Variants in GPC5 observed in about 807,000 individuals in gnomAD.
GPC5 encodes the protein glypican-5.
Under a neutral mutation model 53.9 loss-of-function variants are expected in GPC5, and 47 were observed. That is an observed-to-expected ratio of 0.87 (90% confidence interval 0.69 to 1.11). The LOEUF (loss-of-function observed/expected upper bound fraction) is 1.11, where lower values mean the gene tolerates loss of function less well. Ranked by LOEUF, GPC5 falls within the 50% of genes most tolerant of loss-of-function variation. The pLI is 0.00. For synonymous variants in GPC5, 286 were observed against 263.3 expected, an observed-to-expected ratio of 1.09 and a Z score of -0.84; for missense variants, 748 against 713.1, an observed-to-expected ratio of 1.05 and a Z score of -0.56.
intron 7 of GPC5, among the ~76,000 whole-genome samples, chr13:92,587,350 T>G (rs1883570564): frequency 6.6e-6 from 1 of 152,188 alleles, no homozygotes; most frequent in Non-Finnish European, 1.5e-5. Flanking sequence ...ACATGGGAAT[T>G]AGTATTCTTT....
rs1294258789 is a variant in GPC5 at position 92,724,313 on chromosome 13, C to T, written c.1562-141969C>T. ...GTAAAAAAACTCTTAGAAAAGATAT[C>T]AGGCACATAAATGTGTTAATAAAAA... On this transcript the variant is annotated intron_variant, in intron 7 of 7. Coordinates refer to ENST00000377067, the MANE Select transcript of GPC5 (RefSeq NM_004466.6). Among the ~76,000 whole-genome samples the T allele has an allele frequency of 2.0e-5, 3 of 151,554 alleles. No individual in the cohort carries two copies. The East Asian group carries it at 5.8e-4, about 29-fold the overall frequency.
intron 5 of GPC5, among the ~76,000 whole-genome samples, chr13:91,814,663 C>T (rs1429964758): frequency 1.3e-5 from 2 of 152,098 alleles, no homozygotes; most frequent in Non-Finnish European, 2.9e-5. Flanking sequence ...GTCTCAGCCT[C>T]CTGAGTAGCT....
intron 7 of GPC5, among the ~76,000 whole-genome samples, chr13:92,698,081 T>G (rs1887611426): frequency 6.6e-6 from 1 of 152,198 alleles, no homozygotes; most frequent in Non-Finnish European, 1.5e-5. Context: ...CTTTTTGATG[T>G]GCTGCTGGAA....
chr13:91,801,153 T>A (rs1205775963), intron 5 of GPC5, among the ~76,000 whole-genome samples: 1 of 152,052 alleles, frequency 6.6e-6, no homozygotes, highest in Non-Finnish European at 1.5e-5. Context: ...CCATTAACAG[T>A]AAGAAAGCAT....
At chr13:91,430,123 C>A (rs1879338977) in intron 1 of GPC5, among the ~76,000 whole-genome samples, 1 of 152,116 alleles carries the variant, frequency 6.6e-6, no homozygotes, top group African/African-American at 2.4e-5. Flanking sequence ...CAGCCCAGGG[C>A]TACCATGGAG....
intron 7 of GPC5, among the ~76,000 whole-genome samples, chr13:92,788,487 A>C (rs1876341253): frequency 6.6e-6 from 1 of 152,210 alleles, no homozygotes; most frequent in African/African-American, 2.4e-5. Context: ...TAGAAATCAC[A>C]TATTTGAAAA....
intron 5 of GPC5, among the ~76,000 whole-genome samples, chr13:91,777,100 T>C (rs1231669421): frequency 6.6e-6 from 1 of 152,198 alleles, no homozygotes. Flanking sequence ...TTTGAGAGAT[T>C]TCCTTTCTTC....
intron 7 of GPC5, among the ~76,000 whole-genome samples, chr13:92,382,008 A>G (rs537678542): frequency 6.0e-4 from 89 of 149,436 alleles, no homozygotes; most frequent in Admixed American, 3.8e-3. Flanking sequence ...CTATCTATAT[A>G]TCTATCTGAT....
intron 7 of GPC5, among the ~76,000 whole-genome samples, chr13:92,342,440 T>A (rs1181307008): frequency 1.3e-5 from 2 of 151,994 alleles, no homozygotes; most frequent in African/African-American, 4.8e-5. Flanking sequence ...TTGGGAGGTG[T>A]TTGAGTCATG....
At chr13:91,898,507 T>C (rs1430110502) in intron 5 of GPC5, among the ~76,000 whole-genome samples, 1 of 152,170 alleles carries the variant, frequency 6.6e-6, no homozygotes, top group Non-Finnish European at 1.5e-5. Context: ...ATAGTGCTTG[T>C]GCCTTTTATT....
chr13:91,419,111 A>G (rs552607367), intron 1 of GPC5, among the ~76,000 whole-genome samples: 4 of 152,154 alleles, frequency 2.6e-5, no homozygotes, highest in Non-Finnish European at 5.9e-5. Flanking sequence ...TTACTATACA[A>G]GTTATAAAAC....
chr13:92,577,607 A>G (rs1006426117), intron 7 of GPC5, among the ~76,000 whole-genome samples: 10 of 152,154 alleles, frequency 6.6e-5, no homozygotes, highest in African/African-American at 2.4e-4. Context: ...AAAGCTTCAT[A>G]TTTCAGATCC....
chr13:92,322,208 A>G (rs1287031005), intron 7 of GPC5, among the ~76,000 whole-genome samples: 1 of 152,114 alleles, frequency 6.6e-6, no homozygotes, highest in Non-Finnish European at 1.5e-5. Flanking sequence ...TAGTAAGTGC[A>G]GAGCTTTAGT....
intron 2 of GPC5, among the ~76,000 whole-genome samples, chr13:91,689,923 G>A (rs1212973049): frequency 6.6e-6 from 1 of 152,070 alleles, no homozygotes; most frequent in African/African-American, 2.4e-5. Context: ...CAGTAACAAA[G>A]TTGTTTATTA....
intron 2 of GPC5, among the ~76,000 whole-genome samples, chr13:91,614,354 G>A (rs1030525852): frequency 6.6e-6 from 1 of 152,094 alleles, no homozygotes; most frequent in Non-Finnish European, 1.5e-5. Context: ...TTGAGACAAG[G>A]TCTCACTCTG....
Position 91,398,939 on chromosome 13 carries a change from G to A in GPC5, c.-108G>A. The A allele has an allele frequency of 1.4e-6, 2 of 1,402,496 alleles. No homozygotes were observed. Among genetic ancestry groups the A allele is most frequent in the South Asian group, 1.4e-5 (1 of 69,002 alleles). The allele number at this position is 1,402,496 out of a possible 1,614,324, so 86.9% of individuals were successfully genotyped here. A position where few individuals can be genotyped will look rare whatever the true frequency, so the allele number is the denominator to read the frequency against. On this transcript the variant is annotated 5_prime_UTR_variant, in exon 1 of 8. Coordinates refer to ENST00000377067, the MANE Select transcript of GPC5 (RefSeq NM_004466.6). ...GGTCCGTACACCCCGCAGCCGGCTCGCACCGCTCGAGAGCCTCGGCCGCTG... is the reference window on the plus strand; with the variant it reads ...GGTCCGTACACCCCGCAGCCGGCTCACACCGCTCGAGAGCCTCGGCCGCTG...
chr13:91,754,431 G>A (rs1235301032), intron 4 of GPC5, among the ~76,000 whole-genome samples: 1 of 152,056 alleles, frequency 6.6e-6, no homozygotes. Flanking sequence ...CTTTCTCTAT[G>A]AGGATCTATT....
At chr13:91,663,432 C>A (rs1040875554) in intron 2 of GPC5, among the ~76,000 whole-genome samples, 3 of 151,708 alleles carry the variant, frequency 2.0e-5, no homozygotes, top group Non-Finnish European at 2.9e-5. Context: ...CTCTTTTTTC[C>A]CCCTGAATTT....
At chr13:92,386,989 A>T (rs977370348) in intron 7 of GPC5, among the ~76,000 whole-genome samples, 6 of 152,096 alleles carry the variant, frequency 3.9e-5, no homozygotes, top group African/African-American at 1.4e-4. Context: ...AGTATGGATT[A>T]CTTGACTTGT....
Sources: allele counts gnomAD v4.1 joint callset (sites outside exome capture counted in the v4.1 genomes callset), GRCh38; gene constraint gnomAD v4.1.1; transcripts MANE v1.5; gene names NCBI Gene and HGNC (gene_info 2026-07-23, HGNC 2026-07-21).